Variants in BTRC observed in about 807,000 individuals in gnomAD.
The protein encoded by BTRC is beta-transducin repeat containing E3 ubiquitin protein ligase, also known as F-box/WD repeat-containing protein 1A.
A neutral mutation model predicts 85.5 loss-of-function variants in BTRC; 42 were observed. The observed-to-expected ratio is 0.49, with a 90% CI of 0.38 to 0.64. The LOEUF is 0.64. BTRC is among the 30% of genes least tolerant of loss of function. The probability of loss-of-function intolerance (pLI) is 0.00; values close to 1 mark genes in which losing one functional copy is unlikely to be tolerated. For synonymous variants in BTRC, 255 were observed against 263.3 expected (o/e 0.97, Z 0.30); for missense variants, 594 against 743.5 (o/e 0.80, Z 2.34).
intron 1 of BTRC, among the ~76,000 whole-genome samples, chr10:101,389,798 A>C (rs1227287620): frequency 6.6e-6 from 1 of 150,624 alleles, no homozygotes; most frequent in Admixed American, 6.6e-5. Flanking sequence ...CTAATTTTTA[A>C]ATTTTTTGTA....
intron 2 of BTRC, among the ~76,000 whole-genome samples, chr10:101,431,070 C>CTTTTTT (rs748703752): frequency 0.011 from 777 of 71,112 alleles, 2 homozygotes; most frequent in Middle Eastern, 0.019. Context: ...CTCAGCCTTT[C>CTTTTTT]TTTTTTTTTT....
At position 101,354,225 on chromosome 10, in the gene BTRC, T is replaced by C. The variant is rs1941961382; in HGVS notation, c.45T>C (p.Phe15=). Residue 15 remains phenylalanine, a synonymous_variant, in exon 1 of 15, where the codon TTT becomes TTC. Coordinates refer to ENST00000370187, the MANE Select transcript of BTRC (RefSeq NM_033637.4). Reference sequence around the variant, plus strand: ...TGCTGCAAGAGAAGGCACTCAAGTTTATGGTGAGGAGACGGTGGAGGCCGG... The same window carrying C: ...TGCTGCAAGAGAAGGCACTCAAGTTCATGGTGAGGAGACGGTGGAGGCCGG... ...EAVLQEKALK[F]MCSMPRSLWL... The C allele has an allele frequency of 1.9e-6, 3 of 1,548,768 alleles. No homozygotes were observed. The highest frequency in any genetic ancestry group is 2.6e-6 in the Non-Finnish European group (3 of 1,146,534).
At chr10:101,411,784 CT>C (rs35662202) in intron 1 of BTRC, among the ~76,000 whole-genome samples, 54,497 of 151,266 alleles carry the variant, frequency 0.36, 10,902 homozygotes, top group Middle Eastern at 0.48. Flanking sequence ...TGCCTCTTGT[CT>C]TGTAATTTTA....
intron 1 of BTRC, among the ~76,000 whole-genome samples, chr10:101,373,613 T>C (rs1564734523): frequency 6.6e-6 from 1 of 152,028 alleles, no homozygotes; most frequent in African/African-American, 2.4e-5. Context: ...TTAAGATATA[T>C]TCGTATAAAT....
intron 6 of BTRC, 64 bp downstream of exon 6, chr10:101,526,263 A>G (rs2062189806): frequency 1.3e-6 from 2 of 1,489,402 alleles, no homozygotes; most frequent in African/African-American, 1.4e-5. Flanking sequence ...AGTCACTGAA[A>G]GATTTTTGGG....
intron 4 of BTRC, among the ~76,000 whole-genome samples, chr10:101,511,578 A>G (rs563479154): frequency 6.6e-6 from 1 of 151,982 alleles, no homozygotes; most frequent in East Asian, 1.9e-4. Context: ...TTGTTTTGCG[A>G]CAGAGTCTCA....
chr10:101,405,235 C>T (rs928402479), intron 1 of BTRC, among the ~76,000 whole-genome samples: 6 of 151,310 alleles, frequency 4.0e-5, no homozygotes, highest in Non-Finnish European at 7.4e-5. Flanking sequence ...TATGGGGCTA[C>T]GCAATGGGAG....
At chr10:101,517,981 C>T (rs981524434) in intron 4 of BTRC, among the ~76,000 whole-genome samples, 13 of 143,392 alleles carry the variant, frequency 9.1e-5, no homozygotes, top group African/African-American at 3.4e-4. Context: ...GGCGGGATCT[C>T]GGCTCACTGC....
intron 2 of BTRC, among the ~76,000 whole-genome samples, chr10:101,437,090 T>A (rs1247134490): frequency 1.3e-5 from 2 of 152,222 alleles, no homozygotes; most frequent in Admixed American, 1.3e-4. Context: ...ATATGAATAA[T>A]TTCTGTGTAG....
intron 4 of BTRC, among the ~76,000 whole-genome samples, chr10:101,494,950 T>TAAAGGTACCACTTGTCAGTGG (rs1946222956): frequency 6.6e-6 from 1 of 152,160 alleles, no homozygotes; most frequent in Non-Finnish European, 1.5e-5. Flanking sequence ...TAAAGGGAGT[T>TAAAGGTACCACTTGTCAGTGG]TACAAGCATA....
intron 2 of BTRC, among the ~76,000 whole-genome samples, chr10:101,449,098 T>C (rs1412664794): frequency 6.6e-6 from 1 of 152,010 alleles, no homozygotes; most frequent in Non-Finnish European, 1.5e-5. Flanking sequence ...GATCTTAATC[T>C]AGCCCAGTCT....
intron 2 of BTRC, among the ~76,000 whole-genome samples, chr10:101,441,136 A>G (rs911619070): frequency 6.6e-6 from 1 of 152,236 alleles, no homozygotes; most frequent in Non-Finnish European, 1.5e-5. Context: ...TTTCTACAGG[A>G]TGAATGAAAA....
rs1315651106 is a variant in BTRC at position 101,555,227 on chromosome 10, G to A, written c.*2104G>A. The A allele has an allele frequency of 3.9e-5, 6 of 152,634 alleles. No individual in the cohort carries two copies. Among genetic ancestry groups the A allele is most frequent in the African/African-American group, 9.7e-5 (4 of 41,442 alleles). 9.5% of individuals were successfully genotyped at this position (152,634 alleles called of 1,614,324 possible). A position where few individuals can be genotyped will look rare whatever the true frequency, so the allele number is the denominator to read the frequency against. On this transcript the variant is annotated 3_prime_UTR_variant, in exon 15 of 15. Coordinates refer to ENST00000370187, the MANE Select transcript of BTRC (RefSeq NM_033637.4). ...CAGACATTTAAAAGGCATGGGTTTCGAGCTGTCTCAAAATATTGCCCAATA... is the reference window on the plus strand; with the variant it reads ...CAGACATTTAAAAGGCATGGGTTTCAAGCTGTCTCAAAATATTGCCCAATA...
At chr10:101,438,656 C>T (rs1944601398) in intron 2 of BTRC, among the ~76,000 whole-genome samples, 2 of 151,924 alleles carry the variant, frequency 1.3e-5, no homozygotes, top group Admixed American at 6.6e-5. Flanking sequence ...TTATATGAGC[C>T]ATTGTTTGGG....
chr10:101,550,696 T>C lies in BTRC; in HGVS notation c.1657-3T>C, dbSNP rs746204634. 3 of 1,610,780 alleles carry C rather than the reference T, an allele frequency of 1.9e-6. No individual in the cohort carries two copies. Among genetic ancestry groups the C allele is most frequent in the Non-Finnish European group, 2.5e-6 (3 of 1,177,276 alleles). ...CCTACCCTTTTTGTTTCTACTTCTT[T>C]AGGAGCATTCCGGAAGAGTTTTTCG... On this transcript the variant is annotated splice_region_variant and splice_polypyrimidine_tract_variant and intron_variant, in intron 13 of 14. Transcript: ENST00000370187.
intron 1 of BTRC, among the ~76,000 whole-genome samples, chr10:101,406,326 G>A (rs1346911738): frequency 4.0e-5 from 6 of 151,274 alleles, no homozygotes; most frequent in South Asian, 2.1e-4. Context: ...ACAGGCGCCC[G>A]CCACTACGCC....
At chr10:101,372,993 A>G (rs1942683070) in intron 1 of BTRC, among the ~76,000 whole-genome samples, 1 of 152,224 alleles carries the variant, frequency 6.6e-6, no homozygotes, top group East Asian at 1.9e-4. Flanking sequence ...ATAGTCCACA[A>G]AAATGATGTG....
chr10:101,426,024 C>T (rs1159042625), intron 1 of BTRC, among the ~76,000 whole-genome samples: 1 of 152,140 alleles, frequency 6.6e-6, no homozygotes, highest in Non-Finnish European at 1.5e-5. Context: ...ACTGACCAAT[C>T]AGAATGGCCC....
At chr10:101,467,313 A>G (rs559738354) in intron 3 of BTRC, among the ~76,000 whole-genome samples, 39 of 146,858 alleles carry the variant, frequency 2.7e-4, no homozygotes, top group African/African-American at 9.2e-4. Context: ...GAAGTCCCTG[A>G]TATCAGGCAG....
Sources: allele counts gnomAD v4.1 joint callset (sites outside exome capture counted in the v4.1 genomes callset), GRCh38; gene constraint gnomAD v4.1.1; transcripts MANE v1.5; gene names NCBI Gene and HGNC (gene_info 2026-07-23, HGNC 2026-07-21).